The following NOL4 variants were observed in gnomAD, a reference collection of about 807,000 sequenced individuals.
NOL4 encodes nucleolar protein 4.
Under a neutral mutation model 75.9 loss-of-function variants are expected in NOL4, and 17 were observed. The observed-to-expected ratio is 0.22, with a 90% CI of 0.15 to 0.34. NOL4 has a LOEUF of 0.34. Among genes scored for constraint, NOL4 ranks in the 10% least tolerant of loss-of-function variants. The probability of loss-of-function intolerance (pLI) is 1.00; values close to 1 mark genes in which losing one functional copy is unlikely to be tolerated. For synonymous variants in NOL4, 292 were observed against 289.9 expected (o/e 1.01, Z -0.07); for missense variants, 614 against 793.5 (o/e 0.77, Z 2.72).
intron 1 of NOL4, among the ~76,000 whole-genome samples, chr18:34,202,165 T>G (rs1450215169): frequency 6.6e-6 from 1 of 151,878 alleles, no homozygotes; most frequent in Admixed American, 6.6e-5. Context: ...TTACTCTAAT[T>G]TAATTATTAT....
At chr18:34,024,181 G>A (rs1442559180) in intron 5 of NOL4, among the ~76,000 whole-genome samples, 25 of 86,956 alleles carry the variant, frequency 2.9e-4, no homozygotes, top group African/African-American at 7.4e-4. Context: ...AAATAAACAG[G>A]AAAAAAAAAA....
At chr18:33,974,091 C>T (rs1300829112) in intron 6 of NOL4, among the ~76,000 whole-genome samples, 1 of 152,174 alleles carries the variant, frequency 6.6e-6, no homozygotes, top group African/African-American at 2.4e-5. Context: ...AGCATAGCCA[C>T]CATCATCAAT....
chr18:33,870,236 C>T (rs1322641291), intron 10 of NOL4, among the ~76,000 whole-genome samples: 1 of 151,810 alleles, frequency 6.6e-6, no homozygotes, highest in Non-Finnish European at 1.5e-5. Flanking sequence ...GTGAAATAAA[C>T]CAGGAACAAA....
At chr18:33,863,766 C>T (rs771644444) in intron 10 of NOL4, among the ~76,000 whole-genome samples, 1 of 152,108 alleles carries the variant, frequency 6.6e-6, no homozygotes, top group African/African-American at 2.4e-5. Context: ...CTAGGCAGTG[C>T]TCCAGTGGGG....
chr18:33,905,897 G>C (rs2066009258), intron 9 of NOL4, among the ~76,000 whole-genome samples: 1 of 152,168 alleles, frequency 6.6e-6, no homozygotes. Context: ...GTAGTACCCA[G>C]ATGGGAGACA....
chr18:33,988,272 C>T (rs2072623100), intron 6 of NOL4, among the ~76,000 whole-genome samples: 1 of 152,020 alleles, frequency 6.6e-6, no homozygotes, highest in African/African-American at 2.4e-5. Context: ...CCACTCTTCC[C>T]CACCCCAAGA....
intron 2 of NOL4, among the ~76,000 whole-genome samples, chr18:34,124,920 A>G (rs2080315418): frequency 6.8e-6 from 1 of 147,328 alleles, no homozygotes. Context: ...AAAAAAAAAA[A>G]TCAGACAGGT....
At chr18:34,135,049 T>A (rs75433218) in intron 1 of NOL4, among the ~76,000 whole-genome samples, 2,227 of 152,196 alleles carry the variant, frequency 0.015, 15 homozygotes, top group Middle Eastern at 0.034. Flanking sequence ...AGAGAATATG[T>A]AAAAACTTGA....
In NOL4 at chr18:34,019,486, C is replaced by T. The variant is rs547159639; in HGVS notation, c.888G>A (p.Gly296=). 160 of 1,614,030 alleles carry T rather than the reference C, an allele frequency of 9.9e-5. No homozygotes were observed. In the Admixed American group the frequency reaches 1.8e-3, roughly 18 times the overall value. The change falls in exon 6 of 11, where the codon GGG becomes GGA. Residue 296 remains glycine, a synonymous_variant. Transcript: ENST00000261592. The part of the protein sequence containing the change: ...MGDSNSDGKT[G]LEQDEQPLNL... The stretch of plus-strand genomic sequence containing the variant: ...TCAGTGGCTGTTCATCTTGCTCCAG[C>T]CCAGTTTTGCCATCACTGTTGGAGT...
At chr18:34,155,552 C>T (rs1226324338) in intron 1 of NOL4, among the ~76,000 whole-genome samples, 1 of 151,994 alleles carries the variant, frequency 6.6e-6, no homozygotes, top group Non-Finnish European at 1.5e-5. Context: ...CTACTACACA[C>T]CTAGGCTGCA....
chr18:33,936,657 C>A (rs985591970), intron 9 of NOL4, among the ~76,000 whole-genome samples: 1 of 152,076 alleles, frequency 6.6e-6, no homozygotes, highest in Admixed American at 6.6e-5. Context: ...CTGCTGGGCT[C>A]CTGCTGGGGA....
chr18:33,871,084 T>C (rs371585498), intron 10 of NOL4, among the ~76,000 whole-genome samples: 13 of 152,096 alleles, frequency 8.5e-5, no homozygotes, highest in South Asian at 4.1e-4. Context: ...GAAAAAAGGG[T>C]TTACAGAAAA....
intron 9 of NOL4, among the ~76,000 whole-genome samples, chr18:33,888,388 A>C (rs1027794467): frequency 6.6e-6 from 1 of 152,102 alleles, no homozygotes; most frequent in African/African-American, 2.4e-5. Flanking sequence ...CTCTGATTAT[A>C]GTTTCTTTTG....
intron 1 of NOL4, among the ~76,000 whole-genome samples, chr18:34,151,930 G>C (rs554585715): frequency 6.6e-6 from 1 of 151,812 alleles, no homozygotes; most frequent in East Asian, 1.9e-4. Flanking sequence ...CGGCAACAGA[G>C]GAAAGTTATT....
rs563648440 is a variant in NOL4, at chr18:34,223,907, C to T, written c.-654G>A. 6.6e-6 allele frequency: 1 copy of T among 152,418 alleles called. No homozygotes were observed. Among genetic ancestry groups the T allele is most frequent in the Admixed American group, 6.5e-5 (1 of 15,310 alleles). 9.4% of individuals were successfully genotyped at this position (152,418 alleles called of 1,614,324 possible). A position where few individuals can be genotyped will look rare whatever the true frequency, so the allele number is the denominator to read the frequency against. ...GGGACTAGAAAGAGAAAGTTCTTAC[C>T]TGTCATGTTTTTAAACCTATCAAAT... On this transcript the variant is annotated 5_prime_UTR_variant, in exon 1 of 11. Coordinates refer to ENST00000261592, the MANE Select transcript of NOL4 (RefSeq NM_003787.5).
chr18:34,134,792 G>A (rs1474311030), intron 1 of NOL4, among the ~76,000 whole-genome samples: 1 of 151,912 alleles, frequency 6.6e-6, no homozygotes, highest in Non-Finnish European at 1.5e-5. Context: ...AATTAAATTA[G>A]AAATTAATGA....
At chr18:33,886,773 A>C (rs1373662411) in intron 9 of NOL4, among the ~76,000 whole-genome samples, 4 of 109,808 alleles carry the variant, frequency 3.6e-5, no homozygotes, top group Non-Finnish European at 8.8e-5. Flanking sequence ...AGATATATCT[A>C]TATATATATA....
At chr18:34,073,794 C>T (rs1391862384) in intron 5 of NOL4, among the ~76,000 whole-genome samples, 1 of 151,838 alleles carries the variant, frequency 6.6e-6, no homozygotes, top group Non-Finnish European at 1.5e-5. Context: ...AAAAACTAGG[C>T]ATTTGTTTCT....
At chr18:34,144,482 T>C (rs1338029435) in intron 1 of NOL4, among the ~76,000 whole-genome samples, 1 of 152,160 alleles carries the variant, frequency 6.6e-6, no homozygotes, top group Non-Finnish European at 1.5e-5. Flanking sequence ...AAAACATAGC[T>C]ACTACTGAAA....
Sources: gnomAD v4.1 joint callset for allele counts (sites outside exome capture counted in the v4.1 genomes callset) on GRCh38, gnomAD v4.1.1 for gene constraint, MANE v1.5 for transcripts, NCBI Gene and HGNC (gene_info 2026-07-23, HGNC 2026-07-21) for gene names.